The following GRIK4 variants were observed in gnomAD, a reference collection of about 807,000 sequenced individuals.
The protein encoded by GRIK4 is glutamate receptor ionotropic, kainate 4.
In GRIK4, 40 loss-of-function variants were observed where a neutral mutation model predicts 104.9. That is an observed-to-expected ratio of 0.38 (90% CI 0.30 to 0.50). The LOEUF (loss-of-function observed/expected upper bound fraction) is 0.50. Ranked by LOEUF, GRIK4 falls within the 20% of genes least tolerant of loss-of-function variation. The pLI is 0.93. For missense variants in GRIK4, 1,047 were observed against 1,308.1 expected (o/e 0.80, Z 3.08); for synonymous variants, 485 against 524.9 (o/e 0.92, Z 1.04).
chr11:120,637,222 G>A (rs965000184), intron 1 of GRIK4, among the ~76,000 whole-genome samples: 1 of 152,266 alleles, frequency 6.6e-6, no homozygotes, highest in South Asian at 2.1e-4. Flanking sequence ...GGCAGGGAGC[G>A]GGTGTTCTTG....
chr11:120,896,350 C>T (rs1210374370), intron 11 of GRIK4, among the ~76,000 whole-genome samples: 2 of 152,210 alleles, frequency 1.3e-5, no homozygotes, highest in African/African-American at 2.4e-5. Context: ...ATCTGTAAAA[C>T]GGGGCTTGTT....
At position 120,860,982 on chromosome 11, in the gene GRIK4, C is replaced by A. The variant is rs147683370; in HGVS notation, c.745-977C>A. 1.5e-3 allele frequency among the ~76,000 whole-genome samples: 228 copies of A among 152,134 alleles called. 1 individual carries two copies. The highest frequency in any genetic ancestry group is 5.2e-3 in the African/African-American group (217 of 41,512). On this transcript the variant is annotated intron_variant, in intron 8 of 20. Transcript: ENST00000527524. The stretch of plus-strand genomic sequence containing the variant: ...GCCCCCTTGTATCCAGTGTGCTAAC[C>A]CACACTTCAGGTGTATAAGACTTAG...
chr11:120,588,802 G>A (rs559863354), intron 1 of GRIK4, among the ~76,000 whole-genome samples: 1 of 152,256 alleles, frequency 6.6e-6, no homozygotes, highest in East Asian at 1.9e-4. Context: ...AGCACGCCCT[G>A]TAGCCCCCAA....
intron 3 of GRIK4, among the ~76,000 whole-genome samples, chr11:120,801,556 C>T (rs899055710): frequency 8.5e-5 from 13 of 152,156 alleles, no homozygotes; most frequent in African/African-American, 1.7e-4. Flanking sequence ...AGGTTCATTC[C>T]TATTGTAGCA....
Position 120,710,652 on chromosome 11 carries a change from C to G in GRIK4, c.82+50252C>G, listed in dbSNP as rs553395140. On this transcript the variant is annotated intron_variant, in intron 3 of 20. Transcript: ENST00000527524. ...TCTGTGCAGGGGTCAAAGGCGATCC[C>G]TTTCTCCAGGGAAGAAAGCAGACCT... is the stretch of plus-strand genomic sequence containing the variant. Among the ~76,000 whole-genome samples, 4 of 152,312 alleles carry G rather than the reference C, an allele frequency of 2.6e-5. No homozygotes were observed. In the South Asian group the frequency reaches 8.3e-4, roughly 32 times the overall value.
At chr11:120,837,033 G>A (rs1448568149) in intron 8 of GRIK4, among the ~76,000 whole-genome samples, 189 bp downstream of exon 8, 1 of 152,218 alleles carries the variant, frequency 6.6e-6, no homozygotes, top group Non-Finnish European at 1.5e-5. Context: ...AGGAGAATGA[G>A]GATTTGGGGA....
At chr11:120,598,821 G>T (rs759954991) in intron 1 of GRIK4, among the ~76,000 whole-genome samples, 1 of 152,254 alleles carries the variant, frequency 6.6e-6, no homozygotes, top group Non-Finnish European at 1.5e-5. Flanking sequence ...TCTTGCAGAA[G>T]AGGGAAGCCT....
intron 3 of GRIK4, among the ~76,000 whole-genome samples, chr11:120,684,390 C>T (rs530563324): frequency 6.6e-6 from 1 of 152,270 alleles, no homozygotes; most frequent in East Asian, 1.9e-4. Flanking sequence ...AATTGATGGT[C>T]GGTTGGCCCA....
intron 1 of GRIK4, among the ~76,000 whole-genome samples, chr11:120,621,955 C>T (rs548939003): frequency 2.2e-4 from 33 of 151,932 alleles, no homozygotes; most frequent in African/African-American, 5.6e-4. Context: ...AGCTGGAGTC[C>T]GGTGGTGCAA....
chr11:120,916,256 G>A (rs988365791), intron 13 of GRIK4, among the ~76,000 whole-genome samples: 7 of 152,200 alleles, frequency 4.6e-5, no homozygotes, highest in Non-Finnish European at 8.8e-5. Flanking sequence ...GTTGAAGTCA[G>A]GTCCTTTTCC....
intron 13 of GRIK4, chr11:120,936,263 C>A: frequency 2.0e-6 from 1 of 502,342 alleles, no homozygotes. Context: ...CGTGTTAGTC[C>A]ACATCTTCCA....
chr11:120,824,500 A>G (rs962903270), intron 6 of GRIK4, among the ~76,000 whole-genome samples: 1 of 150,426 alleles, frequency 6.6e-6, no homozygotes, highest in Admixed American at 6.6e-5. Context: ...TTTCCCTGCT[A>G]TCTTCCTACA....
chr11:120,515,151 C>CT, intron 1 of GRIK4: 1 of 422,128 alleles, frequency 2.4e-6, no homozygotes, highest in Non-Finnish European at 4.8e-6. Flanking sequence ...AGCCCTGGCA[C>CT]TGTGTGTCCT....
intron 13 of GRIK4, among the ~76,000 whole-genome samples, chr11:120,937,025 T>C (rs1302107697): frequency 6.6e-6 from 1 of 152,174 alleles, no homozygotes; most frequent in African/African-American, 2.4e-5. Flanking sequence ...GGCTGCTTTA[T>C]AGCATAATGT....
chr11:120,949,294 C>T (rs1018756658), intron 14 of GRIK4, among the ~76,000 whole-genome samples: 1 of 152,200 alleles, frequency 6.6e-6, no homozygotes, highest in Non-Finnish European at 1.5e-5. Flanking sequence ...TTGTATCTCT[C>T]CCTCCGTCTA....
At chr11:120,910,989 C>A (rs142686251) in intron 13 of GRIK4, among the ~76,000 whole-genome samples, 1 of 152,228 alleles carries the variant, frequency 6.6e-6, no homozygotes, top group East Asian at 1.9e-4. Flanking sequence ...CATGAAGGTG[C>A]AGGGGTAGAT....
intron 1 of GRIK4, among the ~76,000 whole-genome samples, chr11:120,621,914 T>G (rs1196518408): frequency 6.6e-6 from 1 of 152,090 alleles, no homozygotes; most frequent in Admixed American, 6.5e-5. Context: ...AATTTTTGTT[T>G]TTTTGAGACA....
chr11:120,880,263 A>C (rs1954930892), intron 11 of GRIK4, among the ~76,000 whole-genome samples: 1 of 152,224 alleles, frequency 6.6e-6, no homozygotes, highest in Non-Finnish European at 1.5e-5. Context: ...GTTACATAGA[A>C]AGCCGGCTCT....
intron 16 of GRIK4, among the ~76,000 whole-genome samples, chr11:120,958,688 G>A (rs1013063613): frequency 1.3e-5 from 2 of 152,228 alleles, no homozygotes; most frequent in Non-Finnish European, 1.5e-5. Flanking sequence ...AGAGCCGATG[G>A]GTTTGCACTG....
Sources: gnomAD v4.1 joint callset for allele counts (sites outside exome capture counted in the v4.1 genomes callset) on GRCh38, gnomAD v4.1.1 for gene constraint, MANE v1.5 for transcripts, NCBI Gene and HGNC (gene_info 2026-07-23, HGNC 2026-07-21) for gene names.